The following SNTB2 variants were observed in gnomAD, a reference collection of about 807,000 sequenced individuals.
SNTB2 encodes syntrophin beta 2.
A neutral mutation model predicts 46.2 loss-of-function variants in SNTB2; 34 were observed. The ratio of observed to expected loss-of-function variants is 0.74; its 90% CI spans 0.56 to 0.98. The LOEUF (loss-of-function observed/expected upper bound fraction) is 0.98, where lower values mean the gene tolerates loss of function less well. Among genes scored for constraint, SNTB2 ranks in the 50% least tolerant of loss-of-function variants. The probability of loss-of-function intolerance (pLI) is 0.00; values close to 1 mark genes in which losing one functional copy is unlikely to be tolerated. For synonymous variants in SNTB2, 290 were observed against 312.6 expected (o/e 0.93, Z 0.76); for missense variants, 603 against 731.4 (o/e 0.82, Z 2.02).
Position 69,301,877 on chromosome 16 carries a change from A to C in SNTB2, c.*953A>C, listed in dbSNP as rs1043378710. 2.6e-5 allele frequency: 4 copies of C among 152,610 alleles called. No individual in the cohort carries two copies. The highest frequency in any genetic ancestry group is 5.9e-5 in the Non-Finnish European group (4 of 68,034). 9.5% of individuals were successfully genotyped at this position (152,610 alleles called of 1,614,324 possible). On this transcript the variant is annotated 3_prime_UTR_variant, in exon 7 of 7. Transcript: ENST00000336278. ...ATCACCTATCCTAGTTTTGAGGAATAGTCATTGAGGTGGGTTTCCTTAATG... is the reference window on the plus strand; with the variant it reads ...ATCACCTATCCTAGTTTTGAGGAATCGTCATTGAGGTGGGTTTCCTTAATG...
chr16:69,262,432 T>A (rs1407566454), intron 3 of SNTB2, among the ~76,000 whole-genome samples: 1 of 151,962 alleles, frequency 6.6e-6, no homozygotes, highest in African/African-American at 2.4e-5. Context: ...GTGACTGATT[T>A]TACCGTTTAA....
At chr16:69,261,683 A>G (rs1290618075) in intron 3 of SNTB2, among the ~76,000 whole-genome samples, 1 of 152,110 alleles carries the variant, frequency 6.6e-6, no homozygotes, top group African/African-American at 2.4e-5. Flanking sequence ...ATGCTAGTTG[A>G]AAAACTGAAT....
At chr16:69,257,413 T>C (rs1460291958) in intron 2 of SNTB2, among the ~76,000 whole-genome samples, 2 of 140,316 alleles carry the variant, frequency 1.4e-5, no homozygotes, top group African/African-American at 5.6e-5. Flanking sequence ...TGTTCATGAC[T>C]CTTATTTATT....
chr16:69,262,611 C>T (rs560278714), intron 3 of SNTB2, among the ~76,000 whole-genome samples: 1 of 152,034 alleles, frequency 6.6e-6, no homozygotes, highest in South Asian at 2.1e-4. Context: ...ACATATCCAT[C>T]ACCTCAAATA....
chr16:69,295,925 G>C (rs1965218951), intron 5 of SNTB2, among the ~76,000 whole-genome samples: 1 of 152,136 alleles, frequency 6.6e-6, no homozygotes, highest in African/African-American at 2.4e-5. Context: ...GGTTCGATTT[G>C]GCACAGCATT....
chr16:69,217,062 A>G (rs551936033), intron 1 of SNTB2, among the ~76,000 whole-genome samples: 1 of 152,318 alleles, frequency 6.6e-6, no homozygotes, highest in African/African-American at 2.4e-5. Flanking sequence ...TGACATAGAA[A>G]AAGTGAGTTA....
rs183239404 is a variant in SNTB2, at chr16:69,299,857, C to A, written c.1530+83C>A. 5.9e-6 allele frequency: 8 copies of A among 1,356,212 alleles called. No individual in the cohort carries two copies. In the African/African-American group the frequency reaches 1.0e-4, roughly 17 times the overall value. The allele number at this position is 1,356,212 out of a possible 1,614,324, so 84.0% of individuals were successfully genotyped here. ...ACTTCTTACCCCTTATATACAAAGTCATGGACTGACATTCCATTTAGAACC... is the reference window on the plus strand; with the variant it reads ...ACTTCTTACCCCTTATATACAAAGTAATGGACTGACATTCCATTTAGAACC... On this transcript the variant is annotated intron_variant, in intron 6 of 6. Transcript: ENST00000336278.
At chr16:69,257,517 G>A (rs1239495751) in intron 2 of SNTB2, among the ~76,000 whole-genome samples, 1 of 151,702 alleles carries the variant, frequency 6.6e-6, no homozygotes, top group African/African-American at 2.4e-5. Flanking sequence ...CATGATCTCG[G>A]CTCACTGCAA....
chr16:69,205,902 C>T (rs1031680649), intron 1 of SNTB2, among the ~76,000 whole-genome samples: 1 of 152,194 alleles, frequency 6.6e-6, no homozygotes, highest in South Asian at 2.1e-4. Context: ...ACCCACTGTA[C>T]GTTCATGAAA....
Position 69,303,673 on chromosome 16 carries a change from C to G in SNTB2, c.*2749C>G, listed in dbSNP as rs1965294060. On this transcript the variant is annotated 3_prime_UTR_variant, in exon 7 of 7. Coordinates refer to ENST00000336278, the MANE Select transcript of SNTB2 (RefSeq NM_006750.4). ...CTTACATACCTAACAGCTCTCCAGT[C>G]ATGATGACCAAGGTTGTTCTTCAAT... 6.6e-6 allele frequency: 1 copy of G among 152,600 alleles called. No individual in the cohort carries two copies. Among genetic ancestry groups the G allele is most frequent in the South Asian group, 2.1e-4 (1 of 4,824 alleles). 9.5% of individuals were successfully genotyped at this position (152,600 alleles called of 1,614,324 possible).
intron 1 of SNTB2, among the ~76,000 whole-genome samples, chr16:69,219,795 A>C (rs1024814070): frequency 6.6e-5 from 10 of 151,820 alleles, no homozygotes; most frequent in Admixed American, 6.6e-4. Flanking sequence ...TGTGTTACCA[A>C]GCTGGAGTGC....
At chr16:69,223,715 G>A (rs1025651357) in intron 1 of SNTB2, among the ~76,000 whole-genome samples, 4 of 151,622 alleles carry the variant, frequency 2.6e-5, no homozygotes, top group Admixed American at 1.3e-4. Context: ...TGCAAGCTCC[G>A]CCTTCTGGAT....
chr16:69,279,453 A>T (rs1008665017), intron 4 of SNTB2, among the ~76,000 whole-genome samples: 1 of 151,398 alleles, frequency 6.6e-6, no homozygotes, highest in Non-Finnish European at 1.5e-5. Context: ...TAGGTGGGCA[A>T]ATATGTTCAA....
intron 1 of SNTB2, among the ~76,000 whole-genome samples, chr16:69,239,579 C>T (rs749602549): frequency 2.6e-5 from 4 of 152,078 alleles, no homozygotes; most frequent in African/African-American, 7.2e-5. Flanking sequence ...GGCAGGGTCT[C>T]GCTCTGTTGC....
chr16:69,192,401 A>G (rs1490391799), intron 1 of SNTB2, among the ~76,000 whole-genome samples: 1 of 152,230 alleles, frequency 6.6e-6, no homozygotes, highest in Non-Finnish European at 1.5e-5. Flanking sequence ...CAGTGAGTTT[A>G]TCAGTGGAAA....
chr16:69,192,264 A>T lies in SNTB2; in HGVS notation c.580+4518A>T, dbSNP rs375116176. 2.7e-3 allele frequency among the ~76,000 whole-genome samples: 417 copies of T among 152,294 alleles called. 23 individuals are homozygous for T. The South Asian group carries it at 0.083, about 30-fold the overall frequency. Reference sequence around the variant, plus strand: ...TAGAGAGGAGGATTCAATTCAAGAGATACTTTAAAGCAGTTGATGCTTGTC... The same window carrying T: ...TAGAGAGGAGGATTCAATTCAAGAGTTACTTTAAAGCAGTTGATGCTTGTC... On this transcript the variant is annotated intron_variant, in intron 1 of 6. Coordinates refer to ENST00000336278, the MANE Select transcript of SNTB2 (RefSeq NM_006750.4).
intron 5 of SNTB2, among the ~76,000 whole-genome samples, chr16:69,292,435 T>TATTA (rs1291261454): frequency 9.5e-5 from 1 of 10,496 alleles, no homozygotes; most frequent in African/African-American, 4.4e-4. Context: ...TATATATATA[T>TATTA]TATATATATA....
rs1323339642 is a variant in SNTB2 at position 69,304,900 on chromosome 16, T to G, written c.*3976T>G. 1 of 151,048 alleles carries G rather than the reference T, an allele frequency of 6.6e-6. No individual in the cohort carries two copies. The highest frequency in any genetic ancestry group is 1.5e-5 in the Non-Finnish European group (1 of 67,820). 9.4% of individuals were successfully genotyped at this position (151,048 alleles called of 1,614,324 possible). A position where few individuals can be genotyped will look rare whatever the true frequency, so the allele number is the denominator to read the frequency against. On this transcript the variant is annotated 3_prime_UTR_variant, in exon 7 of 7. Transcript: ENST00000336278. ...CAGGCTGGTCTTGAACTCTTGGCAC[T>G]CAAGCAGTCCTTCTGCCTCAGCCTC...
chr16:69,287,705 A>G (rs1225560381), intron 5 of SNTB2, among the ~76,000 whole-genome samples: 3 of 152,088 alleles, frequency 2.0e-5, no homozygotes, highest in Non-Finnish European at 4.4e-5. Context: ...CTAAAAATAC[A>G]AAAATTAGCT....
Sources: allele counts gnomAD v4.1 joint callset (sites outside exome capture counted in the v4.1 genomes callset), GRCh38; gene constraint gnomAD v4.1.1; transcripts MANE v1.5; gene names NCBI Gene and HGNC (gene_info 2026-07-23, HGNC 2026-07-21).